Variants in ANXA3 observed in about 807,000 individuals in gnomAD.
ANXA3 encodes the protein 35-alpha calcimedin.
ANXA3 carries 46 observed loss-of-function variants against 48.8 expected under a neutral mutation model. That is an observed-to-expected ratio of 0.94 (90% CI 0.74 to 1.21). ANXA3 has a LOEUF of 1.21. Among genes scored for constraint, ANXA3 ranks in the 50% most tolerant of loss-of-function variants. ANXA3 has a pLI of 0.00. For synonymous variants in ANXA3, 128 were observed against 134.7 expected (o/e 0.95, Z 0.35); for missense variants, 383 against 378.6 (o/e 1.01, Z -0.10).
chr4:78,604,467 G>A, intron 12 of ANXA3, 68 bp downstream of exon 12: 2 of 1,276,760 alleles, frequency 1.6e-6, no homozygotes, highest in South Asian at 1.5e-5. Context: ...ACTCTTATAT[G>A]CCTTAAAATA....
intron 6 of ANXA3, among the ~76,000 whole-genome samples, chr4:78,588,119 C>G (rs547580489): frequency 6.6e-6 from 1 of 151,794 alleles, no homozygotes; most frequent in Admixed American, 6.5e-5. Context: ...AAGCTGGGCA[C>G]AGTGGCTCAT....
At chr4:78,598,208 T>C (rs1388506524) in intron 10 of ANXA3, among the ~76,000 whole-genome samples, 4 of 145,980 alleles carry the variant, frequency 2.7e-5, no homozygotes, top group African/African-American at 8.2e-5. Flanking sequence ...CACACACACA[T>C]GCAACTAAGA....
At chr4:78,608,207 A>G (rs756138404) in intron 12 of ANXA3, among the ~76,000 whole-genome samples, 1 of 152,196 alleles carries the variant, frequency 6.6e-6, no homozygotes, top group Non-Finnish European at 1.5e-5. Context: ...ACATTGTGCT[A>G]AAAGATCCTA....
rs532988938 is a variant in ANXA3 at position 78,560,816 on chromosome 4, T to G, written c.15+6328T>G. 4.6e-5 allele frequency among the ~76,000 whole-genome samples: 7 copies of G among 152,044 alleles called. No homozygotes were observed. The South Asian group carries it at 1.5e-3, about 32-fold the overall frequency. ...CCTATCACTCAGGAAATTCCAAGGGTTTTTGAAGCTCTATGCCAAGAACCA... is the reference window on the plus strand; with the variant it reads ...CCTATCACTCAGGAAATTCCAAGGGGTTTTGAAGCTCTATGCCAAGAACCA... On this transcript the variant is annotated intron_variant, in intron 2 of 12. Transcript: ENST00000264908.
intron 10 of ANXA3, among the ~76,000 whole-genome samples, chr4:78,600,936 A>G (rs1460306490): frequency 6.7e-6 from 1 of 148,596 alleles, no homozygotes; most frequent in Non-Finnish European, 1.5e-5. Context: ...GAAGGATTGT[A>G]TTTTTTTTTT....
At chr4:78,567,057 T>C (rs995443687) in intron 2 of ANXA3, among the ~76,000 whole-genome samples, 1 of 152,156 alleles carries the variant, frequency 6.6e-6, no homozygotes, top group Non-Finnish European at 1.5e-5. Context: ...GTGGGAGGCT[T>C]CTGTTTGTGC....
intron 5 of ANXA3, among the ~76,000 whole-genome samples, chr4:78,585,427 G>A (rs1384844087): frequency 6.6e-6 from 1 of 152,174 alleles, no homozygotes; most frequent in Non-Finnish European, 1.5e-5. Context: ...AAAGGACAAA[G>A]AAGGGTTCAC....
intron 7 of ANXA3, among the ~76,000 whole-genome samples, chr4:78,594,846 G>C (rs1217077709): frequency 3.3e-5 from 5 of 152,150 alleles, no homozygotes; most frequent in Non-Finnish European, 7.3e-5. Context: ...TAAGACCTCT[G>C]TGTTGGGTTG....
At chr4:78,575,049 A>C (rs764432766) in intron 3 of ANXA3, among the ~76,000 whole-genome samples, 8 of 152,118 alleles carry the variant, frequency 5.3e-5, no homozygotes, top group Non-Finnish European at 1.2e-4. Flanking sequence ...CCATTTTTCT[A>C]ATTAAGTGTG....
At chr4:78,603,191 A>T (rs781459918) in intron 11 of ANXA3, 1 of 152,242 alleles carries the variant, frequency 6.6e-6, no homozygotes, top group Non-Finnish European at 1.5e-5. Context: ...CATAAGCTCC[A>T]TGCAGACAGA....
At chr4:78,591,239 GCT>G (rs1723289393) in intron 6 of ANXA3, among the ~76,000 whole-genome samples, 2 of 152,172 alleles carry the variant, frequency 1.3e-5, no homozygotes, top group Admixed American at 1.3e-4. Context: ...CACACTAGTA[GCT>G]CATCCACCCC....
chr4:78,581,182 G>C (rs1298537827), intron 4 of ANXA3, among the ~76,000 whole-genome samples: 1 of 152,234 alleles, frequency 6.6e-6, no homozygotes, highest in African/African-American at 2.4e-5. Context: ...CCCCCCAGGA[G>C]TGTGGTTGTG....
chr4:78,609,871 T>A (rs193291286), intron 12 of ANXA3, among the ~76,000 whole-genome samples, 185 bp from the exon 13 acceptor site: 1 of 152,268 alleles, frequency 6.6e-6, no homozygotes, highest in Admixed American at 6.5e-5. Context: ...GTGAAGAAGA[T>A]GCTGGTCAGA....
At chr4:78,560,183 G>C (rs999711849) in intron 2 of ANXA3, among the ~76,000 whole-genome samples, 10 of 152,154 alleles carry the variant, frequency 6.6e-5, no homozygotes, top group Non-Finnish European at 1.3e-4. Context: ...CTCCTAGTGG[G>C]CATACTGGAA....
intron 3 of ANXA3, among the ~76,000 whole-genome samples, chr4:78,575,459 T>C (rs1722928902): frequency 6.6e-6 from 1 of 152,162 alleles, no homozygotes; most frequent in Non-Finnish European, 1.5e-5. Context: ...GTTCTCATGA[T>C]AGTGAATAAG....
intron 2 of ANXA3, among the ~76,000 whole-genome samples, chr4:78,563,444 A>C (rs1001925909): frequency 2.0e-5 from 3 of 152,068 alleles, no homozygotes; most frequent in African/African-American, 4.8e-5. Flanking sequence ...CTTCAGGATG[A>C]TTGGGCGATG....
At position 78,609,924 on chromosome 4, in the gene ANXA3, T is replaced by C. The variant is rs78803440; in HGVS notation, c.913-132T>C. The C allele has an allele frequency of 7.2e-3, 3,406 of 471,872 alleles. 99 individuals carry two copies. Among genetic ancestry groups the C allele is most frequent in the African/African-American group, 0.059 (2,992 of 50,808 alleles). 29.2% of individuals were successfully genotyped at this position (471,872 alleles called of 1,614,324 possible). A position where few individuals can be genotyped will look rare whatever the true frequency, so the allele number is the denominator to read the frequency against. On this transcript the variant is annotated intron_variant, in intron 12 of 12. Transcript: ENST00000264908. ...TATGAATGAATGATGGAATTGCAGGTATGTTTTACTAAATGGTATAGCTCA... is the reference window on the plus strand; with the variant it reads ...TATGAATGAATGATGGAATTGCAGGCATGTTTTACTAAATGGTATAGCTCA...
At chr4:78,609,701 T>C (rs566201150) in intron 12 of ANXA3, among the ~76,000 whole-genome samples, 19 of 152,338 alleles carry the variant, frequency 1.2e-4, no homozygotes, top group African/African-American at 3.6e-4. Context: ...TTAATACACA[T>C]TAAGCCTTTT....
chr4:78,582,339 CA>C (rs752019330), intron 5 of ANXA3, 49 bp downstream of exon 5: 10 of 1,317,332 alleles, frequency 7.6e-6, no homozygotes, highest in Admixed American at 1.7e-5. Context: ...ACCAAGTCAT[CA>C]AAAATAGTGA....
Sources: allele counts gnomAD v4.1 joint callset (sites outside exome capture counted in the v4.1 genomes callset), GRCh38; gene constraint gnomAD v4.1.1; transcripts MANE v1.5; gene names NCBI Gene and HGNC (gene_info 2026-07-23, HGNC 2026-07-21).